BAZ2B: variants seen among roughly 807,000 people sequenced by gnomAD.
BAZ2B encodes the protein bromodomain adjacent to zinc finger domain 2B.
Under a neutral mutation model 246.0 loss-of-function variants are expected in BAZ2B, and 91 were observed. That is an observed-to-expected ratio of 0.37 (90% confidence interval 0.31 to 0.44). BAZ2B has a LOEUF of 0.44. BAZ2B is among the 20% of genes least tolerant of loss of function. The pLI, the probability that BAZ2B is intolerant of heterozygous loss-of-function variation, is 1.00. For synonymous variants in BAZ2B, 855 were observed against 860.0 expected (o/e 0.99, Z 0.10); for missense variants, 2,332 against 2,533.7 (o/e 0.92, Z 1.71).
the BAZ2B span, among the ~76,000 whole-genome samples, chr2:159,704,504 CGG>C: frequency 9.0e-6 from 1 of 110,900 alleles, no homozygotes; most frequent in Non-Finnish European, 1.7e-5. Flanking sequence ...TTTTTTGAGA[CGG>C]AGTTTCGCTC....
At chr2:159,395,997 T>C (rs1248447599) in intron 19 of BAZ2B, 163 bp from the exon 20 acceptor site, 2 of 562,342 alleles carry the variant, frequency 3.6e-6, no homozygotes, top group Non-Finnish European at 6.1e-6. Context: ...GAATGGCCAG[T>C]CTGTGCATGT....
At chr2:159,381,018 C>T (rs1440500384) in intron 25 of BAZ2B, among the ~76,000 whole-genome samples, 1 of 152,104 alleles carries the variant, frequency 6.6e-6, no homozygotes, top group Non-Finnish European at 1.5e-5. Context: ...CTTGGGGACC[C>T]CCAACTCACA....
chr2:159,600,781 G>A (rs1256492571), intron 1 of BAZ2B, among the ~76,000 whole-genome samples: 25 of 152,052 alleles, frequency 1.6e-4, no homozygotes, highest in Non-Finnish European at 5.9e-5. Flanking sequence ...AAAAAGAAGT[G>A]GGGGGAATCA....
At chr2:159,390,731 T>C (rs1404102590) in intron 20 of BAZ2B, among the ~76,000 whole-genome samples, 1 of 152,132 alleles carries the variant, frequency 6.6e-6, no homozygotes, top group Admixed American at 6.6e-5. Context: ...GCAAGTTGAA[T>C]AGTTGCTGAA....
the BAZ2B span, chr2:159,690,248 A>G: frequency 2.6e-5 from 10 of 382,348 alleles, no homozygotes; most frequent in Non-Finnish European, 5.1e-5. Context: ...TTTCTTAGAA[A>G]ATAGATCAGC....
At chr2:159,696,697 T>C in the BAZ2B span, among the ~76,000 whole-genome samples, 1 of 152,224 alleles carries the variant, frequency 6.6e-6, no homozygotes, top group South Asian at 2.1e-4. Flanking sequence ...TAGGATTTAG[T>C]ATGTATTTTT....
intron 2 of BAZ2B, among the ~76,000 whole-genome samples, chr2:159,521,041 G>C (rs1422372701): frequency 2.6e-5 from 4 of 151,870 alleles, no homozygotes; most frequent in Admixed American, 2.0e-4. Flanking sequence ...TATTGTAAAA[G>C]GTAGTAGTCT....
intron 32 of BAZ2B, 105 bp from the exon 33 acceptor site, chr2:159,337,182 A>C (rs969106039): frequency 6.4e-4 from 885 of 1,377,134 alleles, no homozygotes; most frequent in Non-Finnish European, 2.5e-4. Context: ...AAAACATGTA[A>C]CAGCCAATAA....
chr2:159,687,163 A>G, the BAZ2B span, among the ~76,000 whole-genome samples: 6 of 152,136 alleles, frequency 3.9e-5, no homozygotes, highest in African/African-American at 1.4e-4. Context: ...CAACTGTGAA[A>G]ATAGAGTATT....
upstream of BAZ2B, among the ~76,000 whole-genome samples, chr2:159,618,171 A>G (rs1696277570): frequency 1.3e-5 from 2 of 152,320 alleles, no homozygotes; most frequent in South Asian, 4.1e-4. Context: ...CACCACACTC[A>G]GTAATTTCAT....
intron 34 of BAZ2B, among the ~76,000 whole-genome samples, chr2:159,328,926 G>A (rs374818421): frequency 6.6e-4 from 100 of 152,114 alleles, no homozygotes; most frequent in African/African-American, 2.4e-3. Flanking sequence ...TTAGGAGTTC[G>A]AGACCAGCTT....
chr2:159,522,649 G>T (rs17495695), intron 2 of BAZ2B, among the ~76,000 whole-genome samples: 23 of 152,134 alleles, frequency 1.5e-4, no homozygotes, highest in African/African-American at 5.3e-4. Context: ...TGTCACTGAC[G>T]TCTAATAATT....
At chr2:159,667,461 T>A in the BAZ2B span, among the ~76,000 whole-genome samples, 1 of 151,972 alleles carries the variant, frequency 6.6e-6, no homozygotes, top group East Asian at 1.9e-4. Context: ...CCAGGCATGG[T>A]GGCACATGCC....
At chr2:159,571,230 T>A (rs62171583) in intron 1 of BAZ2B, among the ~76,000 whole-genome samples, 9,931 of 152,114 alleles carry the variant, frequency 0.065, 422 homozygotes, top group Middle Eastern at 0.18. Context: ...ACTGATGGGG[T>A]TCAGGAAATG....
chr2:159,558,423 AT>A (rs1045423078), intron 1 of BAZ2B, among the ~76,000 whole-genome samples: 3 of 151,530 alleles, frequency 2.0e-5, no homozygotes, highest in Non-Finnish European at 4.4e-5. Flanking sequence ...TGCCTGGCTA[AT>A]TTTTTTTGTA....
intron 2 of BAZ2B, among the ~76,000 whole-genome samples, chr2:159,490,153 TTTAA>T (rs1178394697): frequency 2.0e-5 from 3 of 152,198 alleles, no homozygotes; most frequent in Non-Finnish European, 4.4e-5. Flanking sequence ...AAAATCATGC[TTTAA>T]TTCTTTTTGT....
At chr2:159,366,364 C>G (rs2060216343) in intron 27 of BAZ2B, among the ~76,000 whole-genome samples, 1 of 152,196 alleles carries the variant, frequency 6.6e-6, no homozygotes, top group Admixed American at 6.5e-5. Flanking sequence ...CCAGTGGAAC[C>G]TGTCGTCTTA....
At chr2:159,421,647 A>G (rs919062064) in intron 13 of BAZ2B, among the ~76,000 whole-genome samples, 2 of 152,194 alleles carry the variant, frequency 1.3e-5, no homozygotes, top group African/African-American at 4.8e-5. Context: ...TAATATTTTC[A>G]ACAATTGCTT....
chr2:159,554,295 G>T (rs909813400), intron 2 of BAZ2B, among the ~76,000 whole-genome samples: 2 of 151,946 alleles, frequency 1.3e-5, no homozygotes, highest in Admixed American at 6.6e-5. Flanking sequence ...TTTAAAAAAG[G>T]TTTCATTTAA....
Sources: allele counts gnomAD v4.1 joint callset (sites outside exome capture counted in the v4.1 genomes callset), GRCh38; gene constraint gnomAD v4.1.1; transcripts MANE v1.5; gene names NCBI Gene and HGNC (gene_info 2026-07-23, HGNC 2026-07-21).